EPM2A: variants seen among roughly 807,000 people sequenced by gnomAD.
EPM2A encodes laforin.
Under a neutral mutation model 26.5 loss-of-function variants are expected in EPM2A, and 21 were observed. The observed-to-expected ratio is 0.79, with a 90% CI of 0.56 to 1.14. The LOEUF is 1.14. EPM2A is among the 50% of genes most tolerant of loss of function. The pLI is 0.00. For synonymous variants in EPM2A, 217 were observed against 177.6 expected, an observed-to-expected ratio of 1.22 and a Z score of -1.76; for missense variants, 458 against 440.8, an observed-to-expected ratio of 1.04 and a Z score of -0.35.
intron 1 of EPM2A, among the ~76,000 whole-genome samples, chr6:145,700,532 G>A (rs1368873646): frequency 2.6e-5 from 4 of 151,894 alleles, no homozygotes; most frequent in African/African-American, 7.2e-5. Flanking sequence ...ACTTCATTTC[G>A]TATACCTTAA....
chr6:145,477,911 G>A (rs1417905833), intron 4 of EPM2A, among the ~76,000 whole-genome samples: 2 of 151,738 alleles, frequency 1.3e-5, no homozygotes, highest in Admixed American at 6.6e-5. Flanking sequence ...ATTTAACATA[G>A]TACTCTAAGT....
chr6:145,429,137 A>T (rs1001326101), intron 4 of EPM2A, among the ~76,000 whole-genome samples: 4 of 152,014 alleles, frequency 2.6e-5, no homozygotes, highest in African/African-American at 9.7e-5. Context: ...TCAAATTTAC[A>T]AAGAAAAAAA....
chr6:145,456,112 G>T (rs549065381), intron 4 of EPM2A, among the ~76,000 whole-genome samples: 3 of 152,174 alleles, frequency 2.0e-5, no homozygotes, highest in Non-Finnish European at 4.4e-5. Context: ...GAAGGGGGAT[G>T]CATGGTGAGT....
intron 2 of EPM2A, among the ~76,000 whole-genome samples, chr6:145,596,800 T>C (rs1373069683): frequency 1.3e-5 from 2 of 151,184 alleles, no homozygotes; most frequent in Admixed American, 1.3e-4. Context: ...CTAGATTCTC[T>C]CTAAGCCTTC....
chr6:145,534,289 G>A (rs1015194473), intron 2 of EPM2A, among the ~76,000 whole-genome samples: 1 of 152,088 alleles, frequency 6.6e-6, no homozygotes, highest in East Asian at 1.9e-4. Context: ...ATATATTTGA[G>A]GCATTTATTT....
In EPM2A at chr6:145,626,635, A is replaced by C. The variant is rs570596325; in HGVS notation, c.*781T>G. On this transcript the variant is annotated 3_prime_UTR_variant, in exon 4 of 4. Transcript: ENST00000367519. ...AAACAGTGCTGAGTCAAATAAATATAGATTATTAACTCCAGCTTGCCCTTG... is the reference window on the plus strand; with the variant it reads ...AAACAGTGCTGAGTCAAATAAATATCGATTATTAACTCCAGCTTGCCCTTG... 436 of 980,494 alleles carry C rather than the reference A, an allele frequency of 4.4e-4. No homozygotes were observed. The highest frequency in any genetic ancestry group is 7.4e-4 in the Admixed American group (12 of 16,290). 60.7% of individuals were successfully genotyped at this position (980,494 alleles called of 1,614,324 possible).
rs1782392981 is a variant in EPM2A at position 145,709,120 on chromosome 6, AG to A, written c.302-22825del. ...GTAACTAACTTGCTTTTGATTTGAT[AG>A]GCTCATAGGCAGAAGGGGCTTGCCT... On this transcript the variant is annotated intron_variant, in intron 1 of 3. Coordinates refer to ENST00000367519, the MANE Select transcript of EPM2A (RefSeq NM_005670.4). Among the ~76,000 whole-genome samples the A allele has an allele frequency of 2.0e-5, 3 of 152,312 alleles. No homozygotes were observed. The South Asian group carries it at 6.2e-4, about 32-fold the overall frequency.
chr6:145,573,627 G>A (rs1417625673), intron 2 of EPM2A, among the ~76,000 whole-genome samples: 2 of 152,146 alleles, frequency 1.3e-5, no homozygotes, highest in Non-Finnish European at 2.9e-5. Flanking sequence ...TATTGTTTTC[G>A]ATTTACTATT....
At chr6:145,622,342 C>T (rs903198180), downstream of EPM2A, among the ~76,000 whole-genome samples, 1 of 152,194 alleles carries the variant, frequency 6.6e-6, no homozygotes, top group African/African-American at 2.4e-5. Flanking sequence ...TTCCACTCCC[C>T]TCCAATCTGC....
chr6:145,712,681 C>T (rs567674428), intron 1 of EPM2A, among the ~76,000 whole-genome samples: 1 of 152,124 alleles, frequency 6.6e-6, no homozygotes, highest in Non-Finnish European at 1.5e-5. Flanking sequence ...TGTTTTGAGA[C>T]ACTAGCCAAA....
chr6:145,662,210 C>T (rs1778768867), intron 2 of EPM2A, among the ~76,000 whole-genome samples: 1 of 152,104 alleles, frequency 6.6e-6, no homozygotes, highest in South Asian at 2.1e-4. Flanking sequence ...TGACTAGGAA[C>T]AAACTGTAAA....
At chr6:145,587,006 C>T (rs1235075352) in intron 2 of EPM2A, among the ~76,000 whole-genome samples, 1 of 152,110 alleles carries the variant, frequency 6.6e-6, no homozygotes, top group Non-Finnish European at 1.5e-5. Flanking sequence ...TTTTTCATTT[C>T]CTTTTATATA....
At chr6:145,717,728 C>G (rs1233808939) in intron 1 of EPM2A, among the ~76,000 whole-genome samples, 2 of 149,318 alleles carry the variant, frequency 1.3e-5, no homozygotes, top group Non-Finnish European at 3.0e-5. Context: ...ACCATTGTCT[C>G]AGCCCAAAAT....
chr6:145,433,452 T>C (rs1416373644), intron 4 of EPM2A, among the ~76,000 whole-genome samples: 2 of 152,188 alleles, frequency 1.3e-5, no homozygotes, highest in African/African-American at 4.8e-5. Flanking sequence ...TATACTCCTT[T>C]CATACCTTCT....
chr6:145,605,279 C>T (rs1301330631), intron 2 of EPM2A, among the ~76,000 whole-genome samples: 2 of 152,130 alleles, frequency 1.3e-5, no homozygotes, highest in African/African-American at 2.4e-5. Context: ...TTATAACATG[C>T]CATACTTGGT....
intron 1 of EPM2A, among the ~76,000 whole-genome samples, chr6:145,696,314 C>T (rs964950046): frequency 2.0e-5 from 3 of 151,836 alleles, no homozygotes; most frequent in African/African-American, 7.3e-5. Context: ...ATGCCTATAT[C>T]AAAAAAAGGA....
chr6:145,731,545 T>A (rs930550481), intron 1 of EPM2A, among the ~76,000 whole-genome samples: 1 of 152,118 alleles, frequency 6.6e-6, no homozygotes, highest in Admixed American at 6.5e-5. Flanking sequence ...AAACACCACA[T>A]GTTCTCACTC....
At chr6:145,569,487 T>C (rs1016855611) in intron 2 of EPM2A, among the ~76,000 whole-genome samples, 7 of 152,204 alleles carry the variant, frequency 4.6e-5, no homozygotes, top group African/African-American at 1.7e-4. Flanking sequence ...AAGAAATGAA[T>C]TGATTTTCAC....
chr6:145,470,718 A>G (rs1177123773), intron 4 of EPM2A, among the ~76,000 whole-genome samples: 1 of 152,180 alleles, frequency 6.6e-6, no homozygotes, highest in African/African-American at 2.4e-5. Flanking sequence ...CTATAGATTT[A>G]TTGGAAGATA....
Sources: allele counts gnomAD v4.1 joint callset (sites outside exome capture counted in the v4.1 genomes callset), GRCh38; gene constraint gnomAD v4.1.1; transcripts MANE v1.5; gene names NCBI Gene and HGNC (gene_info 2026-07-23, HGNC 2026-07-21).